SHOC2: variants seen among roughly 807,000 people sequenced by gnomAD.
SHOC2 encodes SHOC2 leucine rich repeat scaffold protein.
SHOC2 carries 4 observed loss-of-function variants against 50.2 expected under a neutral mutation model. The ratio of observed to expected loss-of-function variants is 0.08; its 90% CI spans 0.04 to 0.18. SHOC2 has a LOEUF of 0.18. SHOC2 is among the 10% of genes least tolerant of loss of function. SHOC2 has a pLI of 1.00. For synonymous variants in SHOC2, 218 were observed against 244.5 expected (o/e 0.89, Z 1.01); for missense variants, 388 against 669.6 (o/e 0.58, Z 4.64).
upstream of SHOC2, chr10:110,919,584 T>A (rs1846561345): frequency 2.6e-6 from 1 of 385,804 alleles, no homozygotes; most frequent in Non-Finnish European, 4.5e-6. Flanking sequence ...TTGGGCAGCG[T>A]CGCTTCTTAG....
At chr10:110,941,229 T>C (rs919474947) in intron 1 of SHOC2, among the ~76,000 whole-genome samples, 16 of 152,144 alleles carry the variant, frequency 1.1e-4, no homozygotes, top group Admixed American at 7.2e-4. Flanking sequence ...TTAATGATAC[T>C]GAACATCTTA....
intron 2 of SHOC2, among the ~76,000 whole-genome samples, chr10:110,969,634 T>C (rs1847741030): frequency 6.6e-6 from 1 of 152,192 alleles, no homozygotes; most frequent in African/African-American, 2.4e-5. Flanking sequence ...TAGGATTTCT[T>C]CTCTTTCTTT....
At chr10:110,976,262 G>C in intron 2 of SHOC2, among the ~76,000 whole-genome samples, 1 of 151,484 alleles carries the variant, frequency 6.6e-6, no homozygotes, top group Admixed American at 6.6e-5. Flanking sequence ...TGTAGTACAG[G>C]TCTGCTCAAA....
chr10:111,007,317 TC>T (rs1311886912), intron 5 of SHOC2, among the ~76,000 whole-genome samples: 3 of 152,202 alleles, frequency 2.0e-5, no homozygotes, highest in Non-Finnish European at 4.4e-5. Flanking sequence ...GGAACAAACT[TC>T]CAGTTTAACT....
intron 1 of SHOC2, among the ~76,000 whole-genome samples, chr10:110,939,498 T>C (rs1455781452): frequency 5.3e-5 from 8 of 152,190 alleles, no homozygotes; most frequent in African/African-American, 1.9e-4. Context: ...GGGATTACTT[T>C]TGAGTACATT....
chr10:110,987,882 A>C (rs1325184832), intron 3 of SHOC2, among the ~76,000 whole-genome samples: 3 of 152,190 alleles, frequency 2.0e-5, no homozygotes, highest in Non-Finnish European at 2.9e-5. Context: ...ACACAGCCAG[A>C]GACCAAAGTG....
chr10:110,985,639 A>G lies in SHOC2; in HGVS notation c.715A>G (p.Asn239Asp). The G allele has an allele frequency of 6.2e-7, 1 of 1,610,154 alleles. No individual in the cohort carries two copies. Among genetic ancestry groups the G allele is most frequent in the South Asian group, 1.1e-5 (1 of 90,938 alleles). Reference sequence around the variant, plus strand: ...TGGTCAATTTACAGGTGAATTATGTAACCTCATTACGCTGGATGTAGCTCA... The same window carrying G: ...TGGTCAATTTACAGGTGAATTATGTGACCTCATTACGCTGGATGTAGCTCA... ...QLPAEIGELC[N>D]LITLDVAHNQ... The change falls in exon 3 of 9, where the codon AAC becomes GAC. Residue 239 changes from asparagine (N) to aspartate (D), a missense_variant. Physicochemically the swap from Asn to Asp is conservative, Grantham distance 23. This residue lies in a region of SHOC2 where 88 missense variants were observed against 147.2 expected (regional missense o/e 0.60). Coordinates refer to ENST00000369452, the MANE Select transcript of SHOC2 (RefSeq NM_007373.4).
intron 1 of SHOC2, among the ~76,000 whole-genome samples, chr10:110,955,527 C>CATT (rs1847443535): frequency 6.6e-6 from 1 of 152,064 alleles, no homozygotes; most frequent in African/African-American, 2.4e-5. Flanking sequence ...GTTTAAAAGA[C>CATT]ATTTATTGAG....
intron 5 of SHOC2, among the ~76,000 whole-genome samples, chr10:111,006,879 G>A (rs11195402): frequency 0.019 from 2,956 of 152,186 alleles, 80 homozygotes; most frequent in African/African-American, 0.068. Context: ...AATAAAAGTG[G>A]CATACTTTTT....
intron 1 of SHOC2, among the ~76,000 whole-genome samples, chr10:110,923,545 A>G (rs1846696375): frequency 6.6e-6 from 1 of 152,158 alleles, no homozygotes; most frequent in African/African-American, 2.4e-5. Flanking sequence ...GCTTCTTGAG[A>G]AAGCATGCAG....
chr10:110,985,790 G>T (rs771410193), intron 3 of SHOC2, 25 bp downstream of exon 3: 52 of 1,600,748 alleles, frequency 3.2e-5, no homozygotes, highest in Non-Finnish European at 4.4e-5. Flanking sequence ...AGGAGATATT[G>T]ATAGCTGTTA....
At chr10:110,950,759 A>G (rs993291242) in intron 1 of SHOC2, among the ~76,000 whole-genome samples, 2 of 152,198 alleles carry the variant, frequency 1.3e-5, no homozygotes, top group African/African-American at 4.8e-5. Context: ...CACAGAATGG[A>G]GAAGTGATCG....
At chr10:110,927,752 T>C (rs1564700937) in intron 1 of SHOC2, among the ~76,000 whole-genome samples, 1 of 152,242 alleles carries the variant, frequency 6.6e-6, no homozygotes, top group African/African-American at 2.4e-5. Context: ...TGTGTCAGGC[T>C]TTGTGTTGGG....
intron 3 of SHOC2, among the ~76,000 whole-genome samples, chr10:110,995,989 G>A (rs1325482849): frequency 6.6e-6 from 1 of 152,152 alleles, no homozygotes; most frequent in Admixed American, 6.5e-5. Flanking sequence ...AACATTCAGA[G>A]ATTTTGTTCA....
chr10:110,963,492 C>T (rs1382762244), intron 1 of SHOC2, among the ~76,000 whole-genome samples: 1 of 152,086 alleles, frequency 6.6e-6, no homozygotes, highest in African/African-American at 2.4e-5. Flanking sequence ...ATACATATTT[C>T]ACTTTGTTCT....
At chr10:110,979,258 T>C (rs2134139860) in intron 2 of SHOC2, among the ~76,000 whole-genome samples, 1 of 152,374 alleles carries the variant, frequency 6.6e-6, no homozygotes, top group East Asian at 1.9e-4. Flanking sequence ...TTCACATGGG[T>C]CTTTTCAACA....
chr10:110,999,243 G>T (rs1408772786), intron 3 of SHOC2, among the ~76,000 whole-genome samples: 1 of 152,112 alleles, frequency 6.6e-6, no homozygotes, highest in Non-Finnish European at 1.5e-5. Context: ...AGTCAAAAAA[G>T]AAATTAATCA....
At chr10:110,986,667 G>A (rs551874614) in intron 3 of SHOC2, among the ~76,000 whole-genome samples, 9 of 152,108 alleles carry the variant, frequency 5.9e-5, no homozygotes, top group Middle Eastern at 6.8e-3. Context: ...ATAGAGATGA[G>A]GTTTCACTAT....
intron 1 of SHOC2, among the ~76,000 whole-genome samples, chr10:110,935,490 G>A (rs1264773180): frequency 6.6e-6 from 1 of 152,160 alleles, no homozygotes; most frequent in Non-Finnish European, 1.5e-5. Context: ...TGCTGTTATA[G>A]ATGATGCTAG....
Sources: allele counts gnomAD v4.1 joint callset (sites outside exome capture counted in the v4.1 genomes callset), GRCh38; gene constraint gnomAD v4.1.1; regional missense constraint gnomAD v4.1.1; transcripts MANE v1.5; gene names NCBI Gene and HGNC (gene_info 2026-07-23, HGNC 2026-07-21).